Variants in TRIO observed in about 807,000 individuals in gnomAD.
TRIO encodes triple functional domain protein.
A neutral mutation model predicts 351.9 loss-of-function variants in TRIO; 58 were observed. That is an observed-to-expected ratio of 0.16 (90% CI 0.13 to 0.21). TRIO has a LOEUF of 0.21. Among genes scored for constraint, TRIO ranks in the 10% least tolerant of loss-of-function variants. The pLI is 1.00. For synonymous variants in TRIO, 1,758 were observed against 1,595.7 expected, an observed-to-expected ratio of 1.10 and a Z score of -2.42; for missense variants, 3,201 against 4,027.8, an observed-to-expected ratio of 0.79 and a Z score of 5.56.
intron 29 of TRIO, chr5:14,397,388 A>C (rs1052332838): frequency 1.1e-5 from 5 of 439,234 alleles, no homozygotes; most frequent in Admixed American, 4.0e-5. Context: ...CACACTCTGG[A>C]CTCCAATAGC....
intron 1 of TRIO, among the ~76,000 whole-genome samples, chr5:14,235,288 C>A (rs1447936544): frequency 6.6e-6 from 1 of 152,134 alleles, no homozygotes; most frequent in African/African-American, 2.4e-5. Flanking sequence ...TTCATTAATA[C>A]AAACTAATGT....
chr5:14,398,431 C>T (rs952285718), intron 29 of TRIO, among the ~76,000 whole-genome samples: 1 of 152,102 alleles, frequency 6.6e-6, no homozygotes, highest in African/African-American at 2.4e-5. Context: ...AGCAGAGTGT[C>T]TGGGAAGGAT....
intron 34 of TRIO, among the ~76,000 whole-genome samples, chr5:14,448,347 G>C (rs1033539378): frequency 6.6e-6 from 1 of 152,238 alleles, no homozygotes; most frequent in Non-Finnish European, 1.5e-5. Context: ...TGCCTGGGGC[G>C]GGGGCTGGGG....
intron 53 of TRIO, among the ~76,000 whole-genome samples, chr5:14,501,704 G>C (rs1757310419): frequency 6.6e-6 from 1 of 152,220 alleles, no homozygotes; most frequent in Non-Finnish European, 1.5e-5. Context: ...GAGAGGTGAG[G>C]AAGCCCACGT....
At chr5:14,280,200 C>T (rs1246739463) in intron 2 of TRIO, 122 bp from the exon 3 acceptor site, 3 of 862,150 alleles carry the variant, frequency 3.5e-6, no homozygotes, top group Non-Finnish European at 5.6e-6. Context: ...GAAACAAGGA[C>T]TTCTGCCCTG....
chr5:14,390,380 C>A, intron 26 of TRIO, 80 bp downstream of exon 26: 1 of 1,308,794 alleles, frequency 7.6e-7, no homozygotes. Flanking sequence ...TCTTCATTTC[C>A]TTTAAGTCAC....
chr5:14,183,784 G>C (rs560451376), intron 1 of TRIO: 1 of 572,360 alleles, frequency 1.7e-6, no homozygotes, highest in Non-Finnish European at 3.2e-6. Context: ...CATGCTGGCT[G>C]CTCCTCACTG....
chr5:14,445,238 T>G (rs2126381474), intron 34 of TRIO, among the ~76,000 whole-genome samples: 2 of 152,120 alleles, frequency 1.3e-5, no homozygotes, highest in Middle Eastern at 6.8e-3. Context: ...CTCCAAGGAG[T>G]GGCAGTGGGG....
chr5:14,448,408 G>C (rs924008429), intron 34 of TRIO, among the ~76,000 whole-genome samples: 5 of 152,248 alleles, frequency 3.3e-5, no homozygotes, highest in African/African-American at 1.2e-4. Flanking sequence ...ATCAGAGCGT[G>C]GGTTGTCTCA....
At chr5:14,389,525 C>G (rs1746864171) in intron 25 of TRIO, 127 bp downstream of exon 25, 1 of 632,390 alleles carries the variant, frequency 1.6e-6, no homozygotes, top group Non-Finnish European at 2.6e-6. Context: ...TGAATGAAGC[C>G]TATCAGTCTT....
intron 40 of TRIO, among the ~76,000 whole-genome samples, chr5:14,474,789 C>T (rs1754930225): frequency 6.6e-6 from 1 of 152,134 alleles, no homozygotes; most frequent in Non-Finnish European, 1.5e-5. Context: ...CAGCATCTCT[C>T]AGCATCTCTA....
chr5:14,284,105 CACAT>C (rs1736237856), intron 3 of TRIO, among the ~76,000 whole-genome samples: 3 of 152,246 alleles, frequency 2.0e-5, no homozygotes, highest in East Asian at 3.9e-4. Flanking sequence ...CATAAATACT[CACAT>C]AAGAAGATAC....
At chr5:14,470,030 C>T (rs1754570188) in intron 37 of TRIO, among the ~76,000 whole-genome samples, 1 of 152,198 alleles carries the variant, frequency 6.6e-6, no homozygotes, top group Non-Finnish European at 1.5e-5. Context: ...GTGAAACAAG[C>T]TCTGCTACTC....
intron 1 of TRIO, among the ~76,000 whole-genome samples, chr5:14,258,143 G>A (rs145627743): frequency 2.6e-5 from 4 of 152,338 alleles, no homozygotes; most frequent in African/African-American, 9.6e-5. Flanking sequence ...GTTTGCAGCC[G>A]ATGTACTTAA....
rs1286116297 is a variant in TRIO, at chr5:14,472,646, C to G, written c.5967C>G (p.Gly1989=). 2.5e-6 allele frequency: 4 copies of G among 1,613,868 alleles called. No individual in the cohort carries two copies. Among genetic ancestry groups the G allele is most frequent in the South Asian group, 2.2e-5 (2 of 91,086 alleles). Residue 1989 remains glycine (G), a synonymous_variant, in exon 39 of 57, where the codon GGC becomes GGG. Coordinates refer to ENST00000344204, the MANE Select transcript of TRIO (RefSeq NM_007118.4). ...AGCGTGACTATGTGCGGGACCTTGG[C>G]TATGTGGTTGAGGTGTGTATTGCCA... ...ETERDYVRDL[G]YVVEGYMALM...
At chr5:14,354,779 T>G (rs1231336542) in intron 11 of TRIO, among the ~76,000 whole-genome samples, 1 of 152,146 alleles carries the variant, frequency 6.6e-6, no homozygotes, top group African/African-American at 2.4e-5. Flanking sequence ...ATTCCTTAAG[T>G]GTTCTCCATT....
chr5:14,196,019 G>A (rs932778531), intron 1 of TRIO, among the ~76,000 whole-genome samples: 2 of 152,136 alleles, frequency 1.3e-5, no homozygotes, highest in Non-Finnish European at 2.9e-5. Context: ...TTGCCTTTGG[G>A]TTGTGGGATT....
chr5:14,301,740 T>C (rs1737911259), intron 7 of TRIO, among the ~76,000 whole-genome samples: 1 of 152,230 alleles, frequency 6.6e-6, no homozygotes, highest in Non-Finnish European at 1.5e-5. Flanking sequence ...GGAGTATCTG[T>C]TGACACCCTG....
At position 14,488,203 on chromosome 5, in the gene TRIO, C is replaced by T; in HGVS notation, c.7575C>T (p.Arg2525=). 1.3e-6 allele frequency: 2 copies of T among 1,596,372 alleles called. No homozygotes were observed. Among genetic ancestry groups the T allele is most frequent in the Non-Finnish European group, 1.7e-6 (2 of 1,177,826 alleles). Residue 2525 remains arginine, a synonymous_variant, in exon 48 of 57, where the codon CGC becomes CGT. Coordinates refer to ENST00000344204, the MANE Select transcript of TRIO (RefSeq NM_007118.4). ...CGGCCCCTGGCAAGGATACTGACCG[C>T]ATGAGCACGTGCTCCTCGGCCAGCG... ...RHAAPGKDTD[R]MSTCSSASEQ...
Sources: gnomAD v4.1 joint callset for allele counts (sites outside exome capture counted in the v4.1 genomes callset) on GRCh38, gnomAD v4.1.1 for gene constraint, MANE v1.5 for transcripts, NCBI Gene and HGNC (gene_info 2026-07-23, HGNC 2026-07-21) for gene names.